Variants in CMC1 observed in about 807,000 individuals in gnomAD.
CMC1 encodes COX assembly mitochondrial protein homolog.
A neutral mutation model predicts 14.1 loss-of-function variants in CMC1; 14 were observed. The observed-to-expected ratio is 0.99, with a 90% confidence interval of 0.66 to 1.55. The LOEUF is 1.55. Among genes scored for constraint, CMC1 ranks in the 40% most tolerant of loss-of-function variants. The pLI is 0.00. For missense variants in CMC1, 127 were observed against 123.8 expected, an observed-to-expected ratio of 1.03 and a Z score of -0.12; for synonymous variants, 50 against 38.4, an observed-to-expected ratio of 1.30 and a Z score of -1.12.
intron 2 of CMC1, among the ~76,000 whole-genome samples, chr3:28,266,215 A>G (rs1362048758): frequency 1.3e-5 from 2 of 152,164 alleles, no homozygotes; most frequent in Non-Finnish European, 2.9e-5. Context: ...ATACAGTTAA[A>G]ATTTGTCTTA....
chr3:28,280,403 T>C (rs913753039), intron 2 of CMC1, among the ~76,000 whole-genome samples: 14 of 152,306 alleles, frequency 9.2e-5, no homozygotes, highest in African/African-American at 3.1e-4. Context: ...ATCAGTGTTA[T>C]CTAATTAGAA....
At chr3:28,263,224 T>C in intron 1 of CMC1, 67 bp from the exon 2 acceptor site, 2 of 1,099,842 alleles carry the variant, frequency 1.8e-6, no homozygotes, top group Non-Finnish European at 2.7e-6. Context: ...TAAACCAGAG[T>C]CTTATTTTTC....
At chr3:28,255,342 G>C (rs1699339712) in intron 1 of CMC1, among the ~76,000 whole-genome samples, 1 of 150,934 alleles carries the variant, frequency 6.6e-6, no homozygotes, top group African/African-American at 2.4e-5. Flanking sequence ...CCGGGTTCAA[G>C]CAATTCTCTT....
At position 28,322,609 on chromosome 3, in the gene CMC1, T is replaced by C. The variant is rs935579578; in HGVS notation, c.*2980T>C. 2 of 151,652 alleles carry C rather than the reference T, an allele frequency of 1.3e-5. No homozygotes were observed. Among genetic ancestry groups the C allele is most frequent in the Non-Finnish European group, 3.0e-5 (2 of 67,424 alleles). 9.4% of individuals were successfully genotyped at this position (151,652 alleles called of 1,614,324 possible). A position where few individuals can be genotyped will look rare whatever the true frequency, so the allele number is the denominator to read the frequency against. ...CTTCCTTCAGCTAAAGCCTGGAGTATTGTATTTCTTTTATGCATATTGGGT... is the reference window on the plus strand; with the variant it reads ...CTTCCTTCAGCTAAAGCCTGGAGTACTGTATTTCTTTTATGCATATTGGGT... On this transcript the variant is annotated 3_prime_UTR_variant, in exon 4 of 4. Coordinates refer to ENST00000466830, the MANE Select transcript of CMC1 (RefSeq NM_182523.2).
chr3:28,311,375 C>CAAAGAA (rs1392999370), intron 2 of CMC1, among the ~76,000 whole-genome samples: 1 of 152,124 alleles, frequency 6.6e-6, no homozygotes, highest in African/African-American at 2.4e-5. Context: ...GGGAGACCTA[C>CAAAGAA]AATTGTGTTA....
chr3:28,271,507 G>A (rs1700287478), intron 2 of CMC1, among the ~76,000 whole-genome samples: 1 of 152,212 alleles, frequency 6.6e-6, no homozygotes, highest in South Asian at 2.1e-4. Context: ...AGATCAGATA[G>A]TTGTAGATGT....
chr3:28,283,551 C>A (rs79469771), intron 2 of CMC1, among the ~76,000 whole-genome samples: 1,984 of 117,658 alleles, frequency 0.017, 16 homozygotes, highest in Middle Eastern at 0.036. Flanking sequence ...ACAACAAAAA[C>A]AAAAAAAAAA....
At chr3:28,286,655 A>G (rs572497525) in intron 2 of CMC1, among the ~76,000 whole-genome samples, 32 of 152,320 alleles carry the variant, frequency 2.1e-4, no homozygotes, top group South Asian at 1.9e-3. Flanking sequence ...GAATATATCA[A>G]TTTTCTTCTT....
intron 2 of CMC1, among the ~76,000 whole-genome samples, chr3:28,307,512 A>C (rs142796844): frequency 2.6e-5 from 4 of 152,148 alleles, no homozygotes; most frequent in Non-Finnish European, 5.9e-5. Flanking sequence ...GTGACAAGAA[A>C]AAAAGTATTA....
At chr3:28,306,824 T>C (rs1165478948) in intron 2 of CMC1, among the ~76,000 whole-genome samples, 4 of 152,064 alleles carry the variant, frequency 2.6e-5, no homozygotes, top group Non-Finnish European at 5.9e-5. Flanking sequence ...TTTGTACTTT[T>C]AGTAGAGACA....
intron 1 of CMC1, among the ~76,000 whole-genome samples, chr3:28,261,710 A>T (rs1699743548): frequency 6.6e-6 from 1 of 152,122 alleles, no homozygotes; most frequent in African/African-American, 2.4e-5. Context: ...TAGTTGTTGC[A>T]CATAGTAGTC....
chr3:28,310,285 C>G (rs1012377508), intron 2 of CMC1, among the ~76,000 whole-genome samples: 2 of 152,206 alleles, frequency 1.3e-5, no homozygotes, highest in African/African-American at 4.8e-5. Flanking sequence ...ATTGTTAGCT[C>G]CCACAGAGTA....
intron 2 of CMC1, among the ~76,000 whole-genome samples, chr3:28,295,884 T>G (rs757337610): frequency 3.9e-5 from 6 of 151,914 alleles, no homozygotes; most frequent in Non-Finnish European, 5.9e-5. Flanking sequence ...TGGTATTTAT[T>G]GGGGGGGAAA....
In CMC1 at chr3:28,323,993, A is replaced by T; in HGVS notation, c.*4364A>T. 6.6e-7 allele frequency: 1 copy of T among 1,518,748 alleles called. No homozygotes were observed. The highest frequency in any genetic ancestry group is 2.3e-5 in the East Asian group (1 of 44,068). 94.1% of individuals were successfully genotyped at this position (1,518,748 alleles called of 1,614,324 possible). A position where few individuals can be genotyped will look rare whatever the true frequency, so the allele number is the denominator to read the frequency against. On this transcript the variant is annotated 3_prime_UTR_variant, in exon 4 of 4. Coordinates refer to ENST00000466830, the MANE Select transcript of CMC1 (RefSeq NM_182523.2). ...TGTTAAATAATTTCTTGGGAGGACC[A>T]CTGAAAGAGATAAGTGTCCTCATGG...
chr3:28,276,847 A>T (rs1226288136), intron 2 of CMC1, among the ~76,000 whole-genome samples: 2 of 152,240 alleles, frequency 1.3e-5, no homozygotes, highest in Non-Finnish European at 2.9e-5. Context: ...CAGATTTAAA[A>T]CCAGTTATTA....
rs544985268 is a variant in CMC1, at chr3:28,274,220, C to CTTTTTTT, written c.109+10849_109+10855dup. Among the ~76,000 whole-genome samples the CTTTTTTT allele has an allele frequency of 4.0e-3, 446 of 112,270 alleles. 19 individuals carry two copies. The highest frequency in any genetic ancestry group is 0.011 in the African/African-American group (318 of 30,070). 73.7% of individuals were successfully genotyped at this position (112,270 alleles called of 152,430 possible). A position where few individuals can be genotyped will look rare whatever the true frequency, so the allele number is the denominator to read the frequency against. Reference sequence around the variant, plus strand: ...TGTACTAAAGTGTTTTTGTTTTTTTCTTTTTTTTTTTTTTTGCAGTGGCTA... The same window carrying CTTTTTTT: ...TGTACTAAAGTGTTTTTGTTTTTTTCTTTTTTTTTTTTTTTTTTTTTTGCAGTGGCTA... On this transcript the variant is annotated intron_variant, in intron 2 of 3. Transcript: ENST00000466830.
At chr3:28,293,191 G>A (rs897625214) in intron 2 of CMC1, among the ~76,000 whole-genome samples, 3 of 152,158 alleles carry the variant, frequency 2.0e-5, no homozygotes, top group South Asian at 2.1e-4. Context: ...TGTCTGCCTG[G>A]GTGACATGAG....
At chr3:28,262,858 CT>C (rs1487938846) in intron 1 of CMC1, among the ~76,000 whole-genome samples, 3 of 151,962 alleles carry the variant, frequency 2.0e-5, no homozygotes, top group Admixed American at 2.0e-4. Context: ...TCTGTTAGTT[CT>C]TTTTTAGGCT....
chr3:28,292,476 G>A (rs892736635), intron 2 of CMC1, among the ~76,000 whole-genome samples: 3 of 152,008 alleles, frequency 2.0e-5, no homozygotes, highest in Admixed American at 2.0e-4. Flanking sequence ...GATCATTTTA[G>A]TTCATGTCAT....
Sources: gnomAD v4.1 joint callset for allele counts (sites outside exome capture counted in the v4.1 genomes callset) on GRCh38, gnomAD v4.1.1 for gene constraint, MANE v1.5 for transcripts, NCBI Gene and HGNC (gene_info 2026-07-23, HGNC 2026-07-21) for gene names.